The following AGMO variants were observed in gnomAD, a reference collection of about 807,000 sequenced individuals.
AGMO encodes alkylglycerol monooxygenase.
A neutral mutation model predicts 60.2 loss-of-function variants in AGMO; 75 were observed. The ratio of observed to expected loss-of-function variants is 1.25; its 90% CI spans 1.03 to 1.51. The LOEUF (loss-of-function observed/expected upper bound fraction) is 1.51. Among genes scored for constraint, AGMO ranks in the 40% most tolerant of loss-of-function variants. The probability of loss-of-function intolerance (pLI) is 0.00; values close to 1 mark genes in which losing one functional copy is unlikely to be tolerated. For synonymous variants in AGMO, 261 were observed against 177.1 expected (o/e 1.47, Z -3.76); for missense variants, 763 against 525.5 (o/e 1.45, Z -4.42).
chr7:15,479,811 A>G (rs920055790), intron 3 of AGMO, among the ~76,000 whole-genome samples: 1 of 152,172 alleles, frequency 6.6e-6, no homozygotes, highest in African/African-American at 2.4e-5. Flanking sequence ...GGAGACAGGC[A>G]TATAAATAGA....
At chr7:15,354,968 T>G (rs1022893432) in intron 12 of AGMO, among the ~76,000 whole-genome samples, 10 of 152,092 alleles carry the variant, frequency 6.6e-5, no homozygotes, top group African/African-American at 2.4e-4. Flanking sequence ...TGAAGTGGCT[T>G]ATGCTCACTT....
At chr7:15,546,268 G>GC (rs1400088767) in intron 2 of AGMO, among the ~76,000 whole-genome samples, 1 of 152,030 alleles carries the variant, frequency 6.6e-6, no homozygotes, top group Non-Finnish European at 1.5e-5. Context: ...TCAGAGAAAT[G>GC]CCAAATGCTC....
intron 10 of AGMO, among the ~76,000 whole-genome samples, chr7:15,372,029 T>C (rs949370897): frequency 3.2e-4 from 49 of 152,084 alleles, no homozygotes; most frequent in Admixed American, 2.5e-3. Context: ...ACTGAGAATA[T>C]TGAAGAGGGA....
chr7:15,301,699 C>A (rs1289027013), intron 12 of AGMO, among the ~76,000 whole-genome samples: 2 of 152,028 alleles, frequency 1.3e-5, no homozygotes, highest in African/African-American at 4.8e-5. Flanking sequence ...ATTTTCATTT[C>A]TTTTAAAAAC....
chr7:15,317,259 G>C (rs1393976379), intron 12 of AGMO, among the ~76,000 whole-genome samples: 1 of 152,090 alleles, frequency 6.6e-6, no homozygotes, highest in African/African-American at 2.4e-5. Context: ...GGTAACTCCT[G>C]ATTTGCATTA....
chr7:15,407,672 GA>G (rs1304138751), intron 5 of AGMO, among the ~76,000 whole-genome samples: 2 of 151,708 alleles, frequency 1.3e-5, no homozygotes, highest in Non-Finnish European at 2.9e-5. Flanking sequence ...ACAATCAATA[GA>G]ATTTTTTATT....
intron 12 of AGMO, among the ~76,000 whole-genome samples, chr7:15,268,899 C>T (rs998931684): frequency 6.6e-6 from 1 of 151,928 alleles, no homozygotes; most frequent in Non-Finnish European, 1.5e-5. Context: ...CTTACTAGGA[C>T]TTGTAGTAGT....
chr7:15,198,245 GAGAGAGAGAGACAGAGAC>G (rs1781182187), downstream of AGMO, among the ~76,000 whole-genome samples: 9 of 94,400 alleles, frequency 9.5e-5, 1 homozygote, highest in South Asian at 1.2e-3. Flanking sequence ...GAGAGAGAGA[GAGAGAGAGAGACAGAGAC>G]AGAGAGAGAG....
chr7:15,385,710 TAGG>T (rs1783884528), intron 9 of AGMO, 148 bp from the exon 10 acceptor site: 3 of 637,902 alleles, frequency 4.7e-6, no homozygotes, highest in Non-Finnish European at 8.2e-6. Context: ...ATGTCTAAGT[TAGG>T]AGACTTTCTC....
chr7:15,381,442 C>G (rs538325624), intron 10 of AGMO, among the ~76,000 whole-genome samples: 18 of 151,994 alleles, frequency 1.2e-4, no homozygotes, highest in Non-Finnish European at 2.5e-4. Flanking sequence ...ACATCACTGA[C>G]TGTTAGAGAA....
chr7:15,530,503 G>T (rs556537150), intron 3 of AGMO, among the ~76,000 whole-genome samples: 3 of 36,430 alleles, frequency 8.2e-5, no homozygotes, highest in Non-Finnish European at 1.6e-4. Flanking sequence ...TTCTATATAC[G>T]TATTTCTATA....
chr7:15,152,403 T>C, the AGMO span, among the ~76,000 whole-genome samples: 3 of 152,150 alleles, frequency 2.0e-5, no homozygotes, highest in Non-Finnish European at 2.9e-5. Context: ...TTTGATTACA[T>C]GAATAAGTTC....
chr7:15,357,695 G>A (rs1249058451), intron 12 of AGMO, among the ~76,000 whole-genome samples: 3 of 152,166 alleles, frequency 2.0e-5, no homozygotes, highest in African/African-American at 7.2e-5. Context: ...AGGGTGAGAG[G>A]CTATGCGGAC....
chr7:15,378,002 A>T (rs1783523105), intron 10 of AGMO, among the ~76,000 whole-genome samples: 1 of 152,072 alleles, frequency 6.6e-6, no homozygotes, highest in African/African-American at 2.4e-5. Context: ...TACACTATGC[A>T]ATTTGTTTCA....
intron 12 of AGMO, among the ~76,000 whole-genome samples, chr7:15,282,409 T>C (rs988299266): frequency 1.3e-5 from 2 of 152,098 alleles, no homozygotes; most frequent in Non-Finnish European, 2.9e-5. Context: ...AAATGAAAGA[T>C]ACATTTAGGG....
intron 3 of AGMO, among the ~76,000 whole-genome samples, chr7:15,437,019 G>A (rs1009653483): frequency 1.5e-4 from 23 of 152,074 alleles, no homozygotes; most frequent in South Asian, 4.2e-4. Flanking sequence ...TTTAAATTTT[G>A]TTTTGTCTTT....
intron 12 of AGMO, among the ~76,000 whole-genome samples, chr7:15,350,891 G>A (rs1159377627): frequency 6.6e-6 from 1 of 152,122 alleles, no homozygotes; most frequent in African/African-American, 2.4e-5. Context: ...CATTATTTTG[G>A]AGAGACAGTA....
At chr7:15,369,673 C>T (rs188999574) in intron 10 of AGMO, among the ~76,000 whole-genome samples, 4 of 152,142 alleles carry the variant, frequency 2.6e-5, no homozygotes, top group East Asian at 1.9e-4. Context: ...CTTCTATACA[C>T]GTATATATTT....
intron 12 of AGMO, among the ~76,000 whole-genome samples, chr7:15,309,523 T>C (rs1780707870): frequency 2.0e-5 from 3 of 152,122 alleles, no homozygotes; most frequent in Non-Finnish European, 4.4e-5. Flanking sequence ...TAAGATCTCA[T>C]CTAGCCAATG....
Sources: allele counts gnomAD v4.1 joint callset (sites outside exome capture counted in the v4.1 genomes callset), GRCh38; gene constraint gnomAD v4.1.1; transcripts MANE v1.5; gene names NCBI Gene and HGNC (gene_info 2026-07-23, HGNC 2026-07-21).